Variants in MSR1 observed in about 807,000 individuals in gnomAD.
MSR1 encodes the protein macrophage scavenger receptor types I and II.
Under a neutral mutation model 47.2 loss-of-function variants are expected in MSR1, and 53 were observed. The ratio of observed to expected loss-of-function variants is 1.12; its 90% CI spans 0.90 to 1.41. The LOEUF is 1.41. Ranked by LOEUF, MSR1 falls within the 40% of genes most tolerant of loss-of-function variation. The pLI, the probability that MSR1 is intolerant of heterozygous loss-of-function variation, is 0.00. For missense variants in MSR1, 786 were observed against 546.9 expected, an observed-to-expected ratio of 1.44 and a Z score of -4.36; for synonymous variants, 239 against 185.6, an observed-to-expected ratio of 1.29 and a Z score of -2.34.
chr8:16,123,063 T>G (rs192702014), intron 8 of MSR1, among the ~76,000 whole-genome samples: 7 of 152,062 alleles, frequency 4.6e-5, no homozygotes, highest in Admixed American at 2.6e-4. Context: ...GCCAGGATGG[T>G]CTGGATTTCC....
In MSR1 at chr8:16,132,863, A is replaced by T. The variant is rs183078917; in HGVS notation, c.1033+10695T>A. Among the ~76,000 whole-genome samples, 189 of 152,262 alleles carry T rather than the reference A, an allele frequency of 1.2e-3. 1 individual carries two copies. Among genetic ancestry groups the T allele is most frequent in the Non-Finnish European group, 1.8e-3 (122 of 68,008 alleles). ...TATCTTGTGCTGGTTTTCAAGCAGA[A>T]TGTTTCCAGGTTTTGCCCATTTAAT... On this transcript the variant is annotated intron_variant, in intron 8 of 9. Transcript: ENST00000262101.
intron 8 of MSR1, chr8:16,120,948 T>C: frequency 2.9e-6 from 1 of 340,400 alleles, no homozygotes; most frequent in Non-Finnish European, 5.5e-6. Flanking sequence ...CATTGAAAAA[T>C]TATAACTAAA....
chr8:16,182,450 T>C (rs1052299260), intron 1 of MSR1, among the ~76,000 whole-genome samples: 1 of 152,206 alleles, frequency 6.6e-6, no homozygotes, highest in Non-Finnish European at 1.5e-5. Context: ...GAAACCTTTT[T>C]AAACAACATT....
At chr8:16,184,536 G>A (rs1169969264) in intron 1 of MSR1, among the ~76,000 whole-genome samples, 5 of 152,100 alleles carry the variant, frequency 3.3e-5, no homozygotes, top group Admixed American at 1.3e-4. Flanking sequence ...GCATGTAGCC[G>A]GTAGCATCCG....
At chr8:16,182,228 G>C (rs540553972) in intron 1 of MSR1, among the ~76,000 whole-genome samples, 42 of 152,294 alleles carry the variant, frequency 2.8e-4, no homozygotes, top group Admixed American at 5.2e-4. Flanking sequence ...TGGTATAAAA[G>C]ATACGAAGTT....
At chr8:16,137,723 T>G (rs1440773373) in intron 8 of MSR1, among the ~76,000 whole-genome samples, 1 of 152,154 alleles carries the variant, frequency 6.6e-6, no homozygotes, top group East Asian at 1.9e-4. Flanking sequence ...TTGGGTGTAG[T>G]GGCTCACACC....
At chr8:16,173,776 G>A (rs1440962358) in intron 3 of MSR1, among the ~76,000 whole-genome samples, 1 of 152,016 alleles carries the variant, frequency 6.6e-6, no homozygotes, top group Non-Finnish European at 1.5e-5. Context: ...AGCCTCCCGA[G>A]TAGCTGGGAC....
Position 16,120,417 on chromosome 8 carries a change from C to G in MSR1, c.1222+1G>C, listed in dbSNP as rs1208481101. 1.2e-6 allele frequency: 2 copies of G among 1,613,372 alleles called. No homozygotes were observed. The highest frequency in any genetic ancestry group is 2.7e-5 in the African/African-American group (2 of 74,824). On this transcript the variant is annotated splice_donor_variant, in intron 9 of 9. Coordinates refer to ENST00000262101, the MANE Select transcript of MSR1 (RefSeq NM_138715.3). LOFTEE classifies it high-confidence loss of function. Reference sequence around the variant, plus strand: ...ACCTCACAAGATTTTCTTTAAATTACCTTGTCCAAAGTGAGCTGCCTTGTG... The same window carrying G: ...ACCTCACAAGATTTTCTTTAAATTAGCTTGTCCAAAGTGAGCTGCCTTGTG...
chr8:16,160,834 G>C lies in MSR1; in HGVS notation c.817+3231C>G, dbSNP rs192477590. Among the ~76,000 whole-genome samples, 123 of 151,922 alleles carry C rather than the reference G, an allele frequency of 8.1e-4. 1 individual carries two copies. Among genetic ancestry groups the C allele is most frequent in the Admixed American group, 1.9e-3 (29 of 15,216 alleles). On this transcript the variant is annotated intron_variant, in intron 5 of 9. Coordinates refer to ENST00000262101, the MANE Select transcript of MSR1 (RefSeq NM_138715.3). ...TCATTCTTCCACATTTCCAAGCTAG[G>C]CAGAAGGATGACAGAGGGAAGATTG...
intron 8 of MSR1, among the ~76,000 whole-genome samples, chr8:16,124,401 T>A (rs961853732): frequency 2.0e-5 from 3 of 152,210 alleles, no homozygotes; most frequent in Non-Finnish European, 4.4e-5. Context: ...ATAGAGGATT[T>A]CCTGGGAATA....
chr8:16,152,459 T>C (rs754701185), intron 6 of MSR1, among the ~76,000 whole-genome samples: 3 of 152,090 alleles, frequency 2.0e-5, no homozygotes, highest in Non-Finnish European at 4.4e-5. Flanking sequence ...ATGAGCTTTA[T>C]TTTCTCTTCT....
At chr8:16,117,559 G>A (rs936090346) in intron 9 of MSR1, among the ~76,000 whole-genome samples, 14 of 152,096 alleles carry the variant, frequency 9.2e-5, no homozygotes, top group African/African-American at 3.4e-4. Flanking sequence ...AGGTATGTTT[G>A]AGACAACTTC....
intron 8 of MSR1, among the ~76,000 whole-genome samples, chr8:16,125,813 T>C (rs779036324): frequency 3.2e-4 from 49 of 152,158 alleles, no homozygotes; most frequent in Non-Finnish European, 3.2e-4. Context: ...GTCTCCCAGA[T>C]TGAAGTGCTG....
At chr8:16,173,239 GA>G (rs910273020) in intron 3 of MSR1, among the ~76,000 whole-genome samples, 53 of 152,190 alleles carry the variant, frequency 3.5e-4, no homozygotes, top group African/African-American at 1.2e-3. Context: ...ATAGCTCGGG[GA>G]CTTTGAACTT....
intron 1 of MSR1, among the ~76,000 whole-genome samples, chr8:16,178,768 T>A (rs1436811785): frequency 6.6e-6 from 1 of 152,180 alleles, no homozygotes; most frequent in Non-Finnish European, 1.5e-5. Flanking sequence ...CAGCAGCTGT[T>A]GTTTCCTGAC....
At chr8:16,136,850 C>T (rs1335448304) in intron 8 of MSR1, among the ~76,000 whole-genome samples, 1 of 152,000 alleles carries the variant, frequency 6.6e-6, no homozygotes, top group Non-Finnish European at 1.5e-5. Context: ...ATCCACCCAC[C>T]TTGGCCTCCC....
chr8:16,150,193 T>C (rs1402149143), intron 7 of MSR1, 38 bp downstream of exon 7: 1 of 829,084 alleles, frequency 1.2e-6, no homozygotes, highest in Admixed American at 2.7e-5. Flanking sequence ...GTGTTTCTTC[T>C]ACATATTCTA....
intron 1 of MSR1, among the ~76,000 whole-genome samples, chr8:16,188,967 CATATATAT>C (rs200739372): frequency 0.017 from 2,069 of 122,268 alleles, 73 homozygotes; most frequent in African/African-American, 0.053. Context: ...AACACACATA[CATATATAT>C]ATATATATAT....
At chr8:16,115,980 C>G (rs1488950051) in intron 9 of MSR1, among the ~76,000 whole-genome samples, 2 of 151,804 alleles carry the variant, frequency 1.3e-5, no homozygotes, top group Non-Finnish European at 2.9e-5. Context: ...AGAGTAAGAC[C>G]CTGTCTATAA....
Sources: allele counts gnomAD v4.1 joint callset (sites outside exome capture counted in the v4.1 genomes callset), GRCh38; gene constraint gnomAD v4.1.1; transcripts MANE v1.5; gene names NCBI Gene and HGNC (gene_info 2026-07-23, HGNC 2026-07-21).